Variants in BCAS3 observed in about 807,000 individuals in gnomAD.
The protein encoded by BCAS3 is BCAS3 microtubule associated cell migration factor, also known as BCAS4/BCAS3 fusion.
Under a neutral mutation model 116.1 loss-of-function variants are expected in BCAS3, and 53 were observed. That is an observed-to-expected ratio of 0.46 (90% CI 0.37 to 0.57). The LOEUF (loss-of-function observed/expected upper bound fraction) is 0.57. Ranked by LOEUF, BCAS3 falls within the 20% of genes least tolerant of loss-of-function variation. The pLI, the probability that BCAS3 is intolerant of heterozygous loss-of-function variation, is 0.00. For missense variants in BCAS3, 917 were observed against 1,165.4 expected (o/e 0.79, Z 3.10); for synonymous variants, 391 against 408.2 (o/e 0.96, Z 0.51).
rs1467899578 is a variant in BCAS3, at chr17:60,740,362, G to C, written c.322-6836G>C. Among the ~76,000 whole-genome samples the C allele has an allele frequency of 2.6e-5, 4 of 151,834 alleles. 1 individual carries two copies. Among genetic ancestry groups the C allele is most frequent in the Admixed American group, 1.3e-4 (2 of 15,218 alleles). The stretch of plus-strand genomic sequence containing the variant: ...ATACAAAAAAATTCAGCTGGGCATG[G>C]TGGTGGGCACCTGTAGTCCCAGCTA... On this transcript the variant is annotated intron_variant, in intron 5 of 23. Coordinates refer to ENST00000407086, the MANE Select transcript of BCAS3 (RefSeq NM_017679.5).
chr17:60,736,566 C>T (rs951398360), intron 5 of BCAS3, among the ~76,000 whole-genome samples: 1 of 152,098 alleles, frequency 6.6e-6, no homozygotes, highest in Non-Finnish European at 1.5e-5. Flanking sequence ...ATGCTTCTGT[C>T]TTCCAAAGAG....
chr17:60,935,871 T>A lies in BCAS3; in HGVS notation c.1088-11348T>A, dbSNP rs147455054. Among the ~76,000 whole-genome samples the A allele has an allele frequency of 7.1e-3, 1,084 of 152,214 alleles. 10 individuals are homozygous for A. Among genetic ancestry groups the A allele is most frequent in the Middle Eastern group, 0.024 (7 of 294 alleles). ...TGAGACTCACTGACCTTTTTTTTTT[T>A]TATACTTTAAGTTTTAGGGTACATG... On this transcript the variant is annotated intron_variant, in intron 13 of 23. Transcript: ENST00000407086.
chr17:60,890,297 T>C (rs1028653740), intron 10 of BCAS3, among the ~76,000 whole-genome samples: 1 of 151,964 alleles, frequency 6.6e-6, no homozygotes, highest in African/African-American at 2.4e-5. Context: ...CTACTAAAAA[T>C]ACAAAAATTA....
chr17:60,856,876 T>G (rs1212959971), intron 7 of BCAS3, among the ~76,000 whole-genome samples: 1 of 152,190 alleles, frequency 6.6e-6, no homozygotes, highest in Non-Finnish European at 1.5e-5. Context: ...TTTTTGAAAT[T>G]TGTTCTTTAA....
chr17:60,909,463 G>A lies in BCAS3; in HGVS notation c.823-1069G>A, dbSNP rs915854699. The stretch of plus-strand genomic sequence containing the variant: ...TAGTCACCTCATTGAAGATTAATTT[G>A]AAATATTTTAATGAAACTTTTTTTC... On this transcript the variant is annotated intron_variant, in intron 11 of 23. Coordinates refer to ENST00000407086, the MANE Select transcript of BCAS3 (RefSeq NM_017679.5). Among the ~76,000 whole-genome samples the A allele has an allele frequency of 2.0e-5, 3 of 151,972 alleles. No homozygotes were observed. In the East Asian group the frequency reaches 5.8e-4, roughly 29 times the overall value.
At chr17:60,949,481 G>T (rs568079410) in intron 14 of BCAS3, among the ~76,000 whole-genome samples, 2 of 151,790 alleles carry the variant, frequency 1.3e-5, no homozygotes, top group Admixed American at 6.6e-5. Context: ...TCACTGTGTT[G>T]CCCAGGCCAG....
intron 2 of BCAS3, among the ~76,000 whole-genome samples, chr17:60,683,572 C>T (rs2033565800): frequency 1.9e-5 from 2 of 103,920 alleles, no homozygotes; most frequent in Non-Finnish European, 3.5e-5. Context: ...TGAGTGATGC[C>T]TGTAATCCCA....
intron 23 of BCAS3, among the ~76,000 whole-genome samples, chr17:61,375,644 A>T (rs1205425747): frequency 6.8e-6 from 1 of 147,356 alleles, no homozygotes; most frequent in East Asian, 2.0e-4. Flanking sequence ...ATCTCAGCTC[A>T]CTGCAGCCTC....
At position 60,921,992 on chromosome 17, in the gene BCAS3, T is replaced by G. The variant is rs531332867; in HGVS notation, c.994-2415T>G. Among the ~76,000 whole-genome samples, 6 of 152,268 alleles carry G rather than the reference T, an allele frequency of 3.9e-5. No individual in the cohort carries two copies. The South Asian group carries it at 1.2e-3, about 32-fold the overall frequency. On this transcript the variant is annotated intron_variant, in intron 12 of 23. Transcript: ENST00000407086. ...ACAGATAAAACATTTTTTTCTTTTT[T>G]TTTCTCAGTAATACTTGTTCTGGAA...
rs1276134560 is a variant in BCAS3 at position 60,808,096 on chromosome 17, T to C, written c.476+20T>C. The C allele has an allele frequency of 2.0e-6, 3 of 1,492,702 alleles. No individual in the cohort carries two copies. 92.5% of individuals were successfully genotyped at this position (1,492,702 alleles called of 1,614,324 possible). A position where few individuals can be genotyped will look rare whatever the true frequency, so the allele number is the denominator to read the frequency against. ...TTCTGGGTAAGGAAATTTTAAAAAT[T>C]CTTTGTATCACCTATTACAAATTTA... On this transcript the variant is annotated intron_variant, in intron 7 of 23. Coordinates refer to ENST00000407086, the MANE Select transcript of BCAS3 (RefSeq NM_017679.5).
chr17:61,352,134 A>T lies in BCAS3; in HGVS notation c.2426-16193A>T, dbSNP rs1293013294. ...ACTAAAATGAAACAGTGAGAAATTAATTCCTTCGTTCAGCTGTTAGCCCTA... is the reference window on the plus strand; with the variant it reads ...ACTAAAATGAAACAGTGAGAAATTATTTCCTTCGTTCAGCTGTTAGCCCTA... On this transcript the variant is annotated intron_variant, in intron 22 of 23. Transcript: ENST00000407086. This position sits in a 1 kb window ranked among gnomAD's most constrained non-coding sequence, Gnocchi z 4.7. Among the ~76,000 whole-genome samples the T allele has an allele frequency of 2.0e-5, 3 of 152,242 alleles. No individual in the cohort carries two copies. The highest frequency in any genetic ancestry group is 4.4e-5 in the Non-Finnish European group (3 of 68,040).
At chr17:60,859,368 C>T (rs2053963420) in intron 7 of BCAS3, among the ~76,000 whole-genome samples, 1 of 151,990 alleles carries the variant, frequency 6.6e-6, no homozygotes, top group East Asian at 1.9e-4. Flanking sequence ...CAAGTAGGCC[C>T]CGGTGTCTGT....
In BCAS3 at chr17:61,027,058, T is replaced by C. The variant is rs181111350; in HGVS notation, c.1638-7608T>C. 1,412 of 678,474 alleles carry C rather than the reference T, an allele frequency of 2.1e-3. 9 individuals are homozygous for C. The highest frequency in any genetic ancestry group is 6.6e-3 in the Middle Eastern group (26 of 3,926). The allele number at this position is 678,474 out of a possible 1,614,324, so 42.0% of individuals were successfully genotyped here. A position where few individuals can be genotyped will look rare whatever the true frequency, so the allele number is the denominator to read the frequency against. ...TAATTTGTAGATGGAACATGAATGTTGATATTTAAGCTTTAGAAAAGTGGT... is the reference window on the plus strand; with the variant it reads ...TAATTTGTAGATGGAACATGAATGTCGATATTTAAGCTTTAGAAAAGTGGT... On this transcript the variant is annotated intron_variant, in intron 16 of 23. Coordinates refer to ENST00000407086, the MANE Select transcript of BCAS3 (RefSeq NM_017679.5).
chr17:60,992,100 A>G (rs1267461663), intron 15 of BCAS3, among the ~76,000 whole-genome samples: 6 of 151,622 alleles, frequency 4.0e-5, no homozygotes, highest in Non-Finnish European at 5.9e-5. Context: ...GAGTACTTCT[A>G]TGTAATTCTT....
intron 6 of BCAS3, among the ~76,000 whole-genome samples, chr17:60,751,599 A>G (rs1040072986): frequency 7.4e-5 from 11 of 149,614 alleles, no homozygotes; most frequent in African/African-American, 2.5e-4. Flanking sequence ...CTGGAGTGCA[A>G]TGGTGCAATC....
chr17:61,190,100 A>G (rs2080011127), intron 22 of BCAS3, among the ~76,000 whole-genome samples: 1 of 152,226 alleles, frequency 6.6e-6, no homozygotes, highest in Non-Finnish European at 1.5e-5. Flanking sequence ...ATAGAATAGT[A>G]TAGTGGTTCT....
At chr17:60,846,858 G>C (rs1229695887) in intron 7 of BCAS3, among the ~76,000 whole-genome samples, 1 of 151,502 alleles carries the variant, frequency 6.6e-6, no homozygotes, top group East Asian at 1.9e-4. Flanking sequence ...CCATTTTAAA[G>C]TATACAATTC....
intron 7 of BCAS3, chr17:60,851,368 T>TC (rs2053139373): frequency 8.3e-6 from 3 of 362,588 alleles, no homozygotes; most frequent in South Asian, 6.9e-5. Context: ...GCACACGTCC[T>TC]CCCCGCCACC....
intron 15 of BCAS3, among the ~76,000 whole-genome samples, chr17:60,991,839 A>G (rs2063544102): frequency 6.6e-6 from 1 of 150,884 alleles, no homozygotes; most frequent in Non-Finnish European, 1.5e-5. Flanking sequence ...CTTGTCCTGT[A>G]TATTTTATAT....
Sources: gnomAD v4.1 joint callset for allele counts (sites outside exome capture counted in the v4.1 genomes callset) on GRCh38, gnomAD v4.1.1 for gene constraint, Gnocchi (gnomAD v3.1) non-coding constraint, MANE v1.5 for transcripts, NCBI Gene and HGNC (gene_info 2026-07-23, HGNC 2026-07-21) for gene names.